Variants in TEKT1 observed in about 807,000 individuals in gnomAD.
TEKT1 encodes tektin 1, also known as tektin-1.
A neutral mutation model predicts 34.8 loss-of-function variants in TEKT1; 32 were observed. The observed-to-expected ratio is 0.92, with a 90% CI of 0.69 to 1.23. The LOEUF is 1.23. Ranked by LOEUF, TEKT1 falls within the 50% of genes most tolerant of loss-of-function variation. The probability of loss-of-function intolerance (pLI) is 0.00; values close to 1 mark genes in which losing one functional copy is unlikely to be tolerated. For synonymous variants in TEKT1, 207 were observed against 199.8 expected (o/e 1.04, Z -0.30); for missense variants, 492 against 518.5 (o/e 0.95, Z 0.50).
chr17:6,818,643 G>A (rs1262059064), intron 3 of TEKT1, among the ~76,000 whole-genome samples: 1 of 152,116 alleles, frequency 6.6e-6, no homozygotes, highest in African/African-American at 2.4e-5. Context: ...GCATCTGTTG[G>A]TGTGGCCATG....
At chr17:6,800,291 A>G (rs1198037851) in intron 7 of TEKT1, 57 bp from the exon 8 acceptor site, 7 of 1,531,620 alleles carry the variant, frequency 4.6e-6, no homozygotes, top group Non-Finnish European at 6.2e-6. Context: ...TGCTTTTTCA[A>G]GGGAAAGAAT....
intron 2 of TEKT1, 82 bp downstream of exon 2, chr17:6,830,101 GTTGC>G (rs781597441): frequency 3.7e-5 from 48 of 1,304,206 alleles, no homozygotes; most frequent in Non-Finnish European, 4.8e-5. Flanking sequence ...AAAATAATAT[GTTGC>G]CACATCTGAA....
intron 3 of TEKT1, among the ~76,000 whole-genome samples, chr17:6,818,750 C>A (rs1977043491): frequency 1.3e-5 from 2 of 152,136 alleles, no homozygotes; most frequent in East Asian, 3.8e-4. Flanking sequence ...GCTGGAGCTC[C>A]AGCTGCCAAC....
intron 2 of TEKT1, among the ~76,000 whole-genome samples, chr17:6,827,559 A>T (rs560424048): frequency 3.3e-5 from 5 of 152,240 alleles, no homozygotes; most frequent in African/African-American, 1.2e-4. Flanking sequence ...CACCACACTC[A>T]GCCTCGTGCC....
intron 2 of TEKT1, among the ~76,000 whole-genome samples, chr17:6,819,893 T>C (rs552059279): frequency 5.3e-5 from 8 of 152,336 alleles, no homozygotes; most frequent in Non-Finnish European, 1.2e-4. Flanking sequence ...TTTCACCATG[T>C]TAGCCAGGAT....
At chr17:6,817,682 C>T (rs1977025010) in intron 3 of TEKT1, among the ~76,000 whole-genome samples, 1 of 152,124 alleles carries the variant, frequency 6.6e-6, no homozygotes, top group South Asian at 2.1e-4. Context: ...CATGATAGTG[C>T]TTGGAAAGGA....
At chr17:6,824,380 G>C (rs955387798) in intron 2 of TEKT1, among the ~76,000 whole-genome samples, 1 of 152,034 alleles carries the variant, frequency 6.6e-6, no homozygotes, top group Admixed American at 6.5e-5. Context: ...CCTCAGGCTT[G>C]GCCCTGCTTC....
At chr17:6,827,733 A>G (rs1332171102) in intron 2 of TEKT1, among the ~76,000 whole-genome samples, 1 of 152,140 alleles carries the variant, frequency 6.6e-6, no homozygotes, top group African/African-American at 2.4e-5. Flanking sequence ...TTAACTCATA[A>G]ATCCCTGCAT....
chr17:6,817,926 GA>G (rs1490168119), intron 3 of TEKT1, among the ~76,000 whole-genome samples: 2 of 152,162 alleles, frequency 1.3e-5, no homozygotes, highest in African/African-American at 4.8e-5. Context: ...ACTGGGTGTT[GA>G]GCTCTTTGAT....
At chr17:6,801,451 T>G (rs1300170309) in intron 6 of TEKT1, among the ~76,000 whole-genome samples, 1 of 152,164 alleles carries the variant, frequency 6.6e-6, no homozygotes, top group African/African-American at 2.4e-5. Flanking sequence ...GGCTCACAGC[T>G]GTAATCACAG....
intron 3 of TEKT1, among the ~76,000 whole-genome samples, chr17:6,818,022 G>A (rs1034014134): frequency 6.6e-6 from 1 of 152,166 alleles, no homozygotes; most frequent in African/African-American, 2.4e-5. Flanking sequence ...TCCTGTTTAA[G>A]CTTATGGAAG....
rs114514773 is a variant in TEKT1, at chr17:6,815,568, G to T, written c.486-262C>A. ...CATTGCAGCCTACTATGTGTGAGGG[G>T]TCAGCCTCACCAGTGGGTTCCAGCG... On this transcript the variant is annotated intron_variant, in intron 4 of 7. Coordinates refer to ENST00000338694, the MANE Select transcript of TEKT1 (RefSeq NM_053285.2). Among the ~76,000 whole-genome samples, 1,241 of 152,278 alleles carry T rather than the reference G, an allele frequency of 8.1e-3. 16 individuals are homozygous for T. Among genetic ancestry groups the T allele is most frequent in the African/African-American group, 0.028 (1,173 of 41,572 alleles).
chr17:6,814,640 C>T (rs190889935), intron 5 of TEKT1, among the ~76,000 whole-genome samples: 1 of 152,238 alleles, frequency 6.6e-6, no homozygotes, highest in Admixed American at 6.5e-5. Flanking sequence ...AGATTGAGAC[C>T]ATCCTGGCTA....
rs1225503158 is a variant in TEKT1 at position 6,810,401 on chromosome 17, T to C, written c.852+2430A>G. 2.6e-5 allele frequency among the ~76,000 whole-genome samples: 4 copies of C among 152,340 alleles called. No homozygotes were observed. In the South Asian group the frequency reaches 6.2e-4, roughly 24 times the overall value. ...TATCAGATATGTATTTTGCAAGTAT[T>C]TTATCCCAGTGTGTGGTTTGTCTTT... On this transcript the variant is annotated intron_variant, in intron 6 of 7. Coordinates refer to ENST00000338694, the MANE Select transcript of TEKT1 (RefSeq NM_053285.2).
intron 2 of TEKT1, among the ~76,000 whole-genome samples, chr17:6,821,167 C>T (rs1368226423): frequency 6.6e-6 from 1 of 152,168 alleles, no homozygotes; most frequent in African/African-American, 2.4e-5. Flanking sequence ...TGTTGTGTCA[C>T]ATGCCAGATA....
chr17:6,812,331 T>C (rs1424032885), intron 6 of TEKT1, among the ~76,000 whole-genome samples: 12 of 152,104 alleles, frequency 7.9e-5, no homozygotes, highest in Admixed American at 7.9e-4. Context: ...AAACACCCTC[T>C]GAGAGCCAGT....
At chr17:6,822,848 C>T (rs1267661560) in intron 2 of TEKT1, among the ~76,000 whole-genome samples, 1 of 152,200 alleles carries the variant, frequency 6.6e-6, no homozygotes, top group African/African-American at 2.4e-5. Context: ...TGCTAAAGTG[C>T]TACCTGGAAA....
intron 2 of TEKT1, among the ~76,000 whole-genome samples, chr17:6,826,972 G>A (rs1904425250): frequency 6.6e-6 from 1 of 152,182 alleles, no homozygotes; most frequent in Non-Finnish European, 1.5e-5. Context: ...TGTGATTACA[G>A]GTGTAAGCCA....
chr17:6,803,172 C>T (rs561230424), intron 6 of TEKT1, among the ~76,000 whole-genome samples: 1 of 152,330 alleles, frequency 6.6e-6, no homozygotes, highest in South Asian at 2.1e-4. Context: ...GAGATGGTCT[C>T]TCACTGTGGT....
Sources: gnomAD v4.1 joint callset for allele counts (sites outside exome capture counted in the v4.1 genomes callset) on GRCh38, gnomAD v4.1.1 for gene constraint, MANE v1.5 for transcripts, NCBI Gene and HGNC (gene_info 2026-07-23, HGNC 2026-07-21) for gene names.